The following LRRN1 variants were observed in gnomAD, a reference collection of about 807,000 sequenced individuals.
The protein encoded by LRRN1 is leucine rich repeat neuronal 1.
LRRN1 carries 14 observed loss-of-function variants against 45.8 expected under a neutral mutation model. The ratio of observed to expected loss-of-function variants is 0.31; its 90% CI spans 0.20 to 0.48. The LOEUF is 0.48. LRRN1 is among the 20% of genes least tolerant of loss of function. The pLI is 0.99. For synonymous variants in LRRN1, 359 were observed against 330.1 expected (o/e 1.09, Z -0.95); for missense variants, 789 against 874.2 (o/e 0.90, Z 1.23).
chr3:3,818,692 C>T (rs1374026395), intron 1 of LRRN1, among the ~76,000 whole-genome samples: 1 of 152,044 alleles, frequency 6.6e-6, no homozygotes, highest in Non-Finnish European at 1.5e-5. Context: ...ATGATTTTGG[C>T]ACAGAGCTAA....
rs912441198 is a variant in LRRN1 at position 3,816,322 on chromosome 3, T to C, written c.-279+16403T>C. The stretch of plus-strand genomic sequence containing the variant: ...TGGACCATTAGTTTCAAATGCATAC[T>C]AAGATAGGGGAACACATTGGCATCA... On this transcript the variant is annotated intron_variant, in intron 1 of 1. Coordinates refer to ENST00000319331, the MANE Select transcript of LRRN1 (RefSeq NM_020873.7). The surrounding 1 kb of genome is among the most constrained non-coding windows in gnomAD (Gnocchi z 4.0). Among the ~76,000 whole-genome samples the C allele has an allele frequency of 6.6e-6, 1 of 152,162 alleles. No individual in the cohort carries two copies. Among genetic ancestry groups the C allele is most frequent in the African/African-American group, 2.4e-5 (1 of 41,438 alleles).
chr3:3,827,529 T>A lies in LRRN1; in HGVS notation c.-278-16835T>A, dbSNP rs1186388812. On this transcript the variant is annotated intron_variant, in intron 1 of 1. Transcript: ENST00000319331. Reference sequence around the variant, plus strand: ...TAAACTCTGTAAGGCAAGAAGGAAATCTTGGTTGAACAAAAATCCCATTTC... The same window carrying A: ...TAAACTCTGTAAGGCAAGAAGGAAAACTTGGTTGAACAAAAATCCCATTTC... The A allele has an allele frequency of 4.4e-5, 20 of 455,946 alleles. 1 individual carries two copies. In the Admixed American group the frequency reaches 4.7e-4, roughly 11 times the overall value. The allele number at this position is 455,946 out of a possible 1,614,324, so 28.2% of individuals were successfully genotyped here.
intron 1 of LRRN1, among the ~76,000 whole-genome samples, chr3:3,828,718 A>T (rs997124679): frequency 3.3e-5 from 5 of 152,336 alleles, no homozygotes; most frequent in Middle Eastern, 6.8e-3. Flanking sequence ...AAAGTTAACA[A>T]TACTTAAATG....
chr3:3,814,412 C>T (rs932748141), intron 1 of LRRN1, among the ~76,000 whole-genome samples: 5 of 151,798 alleles, frequency 3.3e-5, no homozygotes, highest in Non-Finnish European at 5.9e-5. Flanking sequence ...AAATGGGTCC[C>T]TTGCCATCTG....
In LRRN1 at chr3:3,834,534, A is replaced by ATATATAT. The variant is rs1559302657; in HGVS notation, c.-278-9829_-278-9823dup. Among the ~76,000 whole-genome samples the ATATATAT allele has an allele frequency of 4.7e-5, 5 of 105,760 alleles. 2 individuals carry two copies. The highest frequency in any genetic ancestry group is 7.7e-5 in the Non-Finnish European group (4 of 51,682). The allele number at this position is 105,760 out of a possible 152,430, so 69.4% of individuals were successfully genotyped here. On this transcript the variant is annotated intron_variant, in intron 1 of 1. Transcript: ENST00000319331. ...TAGAGGGACAGAACAGGATATATATATATATATATATATATATATGATATA... is the reference window on the plus strand; with the variant it reads ...TAGAGGGACAGAACAGGATATATATATATATATTATATATATATATATATATGATATA...
rs1465153213 is a variant in LRRN1 at position 3,844,687 on chromosome 3, G to A, written c.46G>A (p.Gly16Ser). The change falls in exon 2 of 2, where the codon GGC (glycine) becomes AGC (serine). Residue 16 changes from glycine (G) to serine (S), a missense_variant. Transcript: ENST00000319331. The part of the protein sequence containing the change: ...FVIAACQLVL[G>S]LLMTSLTESS... ...TATAGCAGCTTGCCAATTGGTGCTGGGCCTACTAATGACTTCATTAACCGA... is the reference window on the plus strand; with the variant it reads ...TATAGCAGCTTGCCAATTGGTGCTGAGCCTACTAATGACTTCATTAACCGA... 13 of 1,613,908 alleles carry A rather than the reference G, an allele frequency of 8.1e-6. No individual in the cohort carries two copies. The highest frequency in any genetic ancestry group is 3.3e-4 in the Middle Eastern group (2 of 6,082).
intron 1 of LRRN1, among the ~76,000 whole-genome samples, chr3:3,805,833 A>G (rs1210978348): frequency 6.6e-6 from 1 of 152,186 alleles, no homozygotes; most frequent in Non-Finnish European, 1.5e-5. Context: ...TCACCTCACA[A>G]GTATATATTG....
At chr3:3,814,863 G>A (rs141430809) in intron 1 of LRRN1, among the ~76,000 whole-genome samples, 155 of 152,238 alleles carry the variant, frequency 1.0e-3, no homozygotes, top group African/African-American at 3.7e-3. Context: ...CCAGCCTCCA[G>A]AACTGTGAGA....
intron 1 of LRRN1, among the ~76,000 whole-genome samples, chr3:3,830,108 A>T (rs1693333246): frequency 6.6e-6 from 1 of 152,192 alleles, no homozygotes; most frequent in African/African-American, 2.4e-5. Context: ...GAGCAACGAC[A>T]GGGGTGGCTG....
chr3:3,846,328 A>G lies in LRRN1; in HGVS notation c.1687A>G (p.Ile563Val). 1 of 1,613,952 alleles carries G rather than the reference A, an allele frequency of 6.2e-7. No individual in the cohort carries two copies. Among genetic ancestry groups the G allele is most frequent in the Non-Finnish European group, 8.5e-7 (1 of 1,180,012 alleles). ...AAAATGGTCGTCTGCCACCATGAAG[A>G]TTGATAACCCTCACATAACATATAC... is the stretch of plus-strand genomic sequence containing the variant. ...NLKWSSATMK[I>V]DNPHITYTAR... Residue 563 changes from isoleucine to valine, a missense_variant, in exon 2 of 2, where the codon ATT becomes GTT. Ile to Val is a conservative substitution (Grantham distance 29). Coordinates refer to ENST00000319331, the MANE Select transcript of LRRN1 (RefSeq NM_020873.7). This position sits in a 1 kb window ranked among gnomAD's most constrained non-coding sequence, Gnocchi z 5.7.
intron 1 of LRRN1, chr3:3,827,224 A>G (rs1693242352): frequency 4.4e-6 from 1 of 225,526 alleles, no homozygotes; most frequent in East Asian, 1.0e-4. Flanking sequence ...TGAGACTTAG[A>G]AAGTTTCAAT....
chr3:3,819,808 C>T (rs1165412312), intron 1 of LRRN1, among the ~76,000 whole-genome samples: 1 of 152,154 alleles, frequency 6.6e-6, no homozygotes, highest in Non-Finnish European at 1.5e-5. Flanking sequence ...AGCATTTTGA[C>T]CCAGATCATG....
chr3:3,842,918 A>G (rs1033620148), intron 1 of LRRN1, among the ~76,000 whole-genome samples: 4 of 151,374 alleles, frequency 2.6e-5, no homozygotes, highest in African/African-American at 4.9e-5. Flanking sequence ...TGAGCAGTAC[A>G]TACCTGACTT....
intron 1 of LRRN1, among the ~76,000 whole-genome samples, chr3:3,801,593 T>G (rs1692654017): frequency 6.6e-6 from 1 of 152,158 alleles, no homozygotes; most frequent in Non-Finnish European, 1.5e-5. Context: ...TCCATTCACA[T>G]GAAGGAATTT....
chr3:3,813,549 A>C (rs538151972), intron 1 of LRRN1, among the ~76,000 whole-genome samples: 1 of 152,156 alleles, frequency 6.6e-6, no homozygotes, highest in South Asian at 2.1e-4. Flanking sequence ...CCCTTTTATT[A>C]CTAACCTGCT....
At position 3,845,412 on chromosome 3, in the gene LRRN1, T is replaced by G; in HGVS notation, c.771T>G (p.Leu257=). The change falls in exon 2 of 2, where the codon CTT becomes CTG. Residue 257 remains leucine, a synonymous_variant. Transcript: ENST00000319331. The surrounding 1 kb of genome is among the most constrained non-coding windows in gnomAD (Gnocchi z 6.5). The part of the protein sequence containing the change: ...YDNKLVKVPQ[L]ALQKVPNLKF... ...ACAAACTGGTTAAAGTCCCTCAACT[T>G]GCCCTGCAAAAAGTTCCAAATTTGA... The G allele has an allele frequency of 6.2e-7, 1 of 1,614,112 alleles. No homozygotes were observed. Among genetic ancestry groups the G allele is most frequent in the Non-Finnish European group, 8.5e-7 (1 of 1,180,014 alleles).
chr3:3,809,206 T>G (rs1279578322), intron 1 of LRRN1, among the ~76,000 whole-genome samples: 1 of 152,118 alleles, frequency 6.6e-6, no homozygotes, highest in Non-Finnish European at 1.5e-5. Flanking sequence ...TGCAGGGGCG[T>G]GATCTTGGCT....
At chr3:3,841,162 G>A (rs536667676) in intron 1 of LRRN1, among the ~76,000 whole-genome samples, 6 of 152,038 alleles carry the variant, frequency 3.9e-5, no homozygotes, top group South Asian at 2.1e-4. Flanking sequence ...GTGGTGGCAC[G>A]TGCCTGTAGT....
chr3:3,801,812 T>C (rs1176957448), intron 1 of LRRN1, among the ~76,000 whole-genome samples: 3 of 152,240 alleles, frequency 2.0e-5, no homozygotes, highest in African/African-American at 7.2e-5. Context: ...CTGGATATTC[T>C]AAGCTAGTTA....
Sources: gnomAD v4.1 joint callset for allele counts (sites outside exome capture counted in the v4.1 genomes callset) on GRCh38, gnomAD v4.1.1 for gene constraint, Gnocchi (gnomAD v3.1) non-coding constraint, MANE v1.5 for transcripts, NCBI Gene and HGNC (gene_info 2026-07-23, HGNC 2026-07-21) for gene names.